YME1L1: variants seen among roughly 807,000 people sequenced by gnomAD.
YME1L1 encodes the protein ATP-dependent zinc metalloprotease YME1L1.
YME1L1 carries 39 observed loss-of-function variants against 90.4 expected under a neutral mutation model. The ratio of observed to expected loss-of-function variants is 0.43; its 90% CI spans 0.33 to 0.56. The LOEUF (loss-of-function observed/expected upper bound fraction) is 0.56. YME1L1 is among the 20% of genes least tolerant of loss of function. The probability of loss-of-function intolerance (pLI) is 0.03; values close to 1 mark genes in which losing one functional copy is unlikely to be tolerated. For synonymous variants in YME1L1, 284 were observed against 287.3 expected, an observed-to-expected ratio of 0.99 and a Z score of 0.12; for missense variants, 617 against 868.4, an observed-to-expected ratio of 0.71 and a Z score of 3.64.
intron 1 of YME1L1, among the ~76,000 whole-genome samples, chr10:27,151,256 C>A (rs753043578): frequency 6.6e-6 from 1 of 152,204 alleles, no homozygotes; most frequent in Non-Finnish European, 1.5e-5. Context: ...TCCAACAACC[C>A]TCTCTTGGGG....
chr10:27,154,360 TC>T lies in YME1L1; in HGVS notation c.-151del. The T allele has an allele frequency of 2.3e-6, 2 of 872,722 alleles. No individual in the cohort carries two copies. The highest frequency in any genetic ancestry group is 1.7e-5 in the South Asian group (1 of 58,312). 54.1% of individuals were successfully genotyped at this position (872,722 alleles called of 1,614,324 possible). A position where few individuals can be genotyped will look rare whatever the true frequency, so the allele number is the denominator to read the frequency against. ...CCAGAAACGGAAAATGGCCTCCCCT[TC>T]CTACAGCTACTGCAACGACAGACAA... On this transcript the variant is annotated 5_prime_UTR_variant, in exon 1 of 19. Coordinates refer to ENST00000376016, the MANE Select transcript of YME1L1 (RefSeq NM_014263.4).
chr10:27,113,394 G>A (rs2056779613), intron 18 of YME1L1, among the ~76,000 whole-genome samples: 1 of 151,760 alleles, frequency 6.6e-6, no homozygotes, highest in African/African-American at 2.4e-5. Context: ...AATTGGGCCG[G>A]GCGCAGTGGC....
chr10:27,131,059 C>T (rs946308970), intron 8 of YME1L1, among the ~76,000 whole-genome samples: 28 of 152,140 alleles, frequency 1.8e-4, no homozygotes, highest in African/African-American at 5.6e-4. Context: ...TGGTCAGAAA[C>T]GTTCCTTTCT....
chr10:27,154,143 G>A lies in YME1L1; in HGVS notation c.33+35C>T, dbSNP rs11816716. 0.026 allele frequency: 40,731 copies of A among 1,571,992 alleles called. 687 individuals are homozygous for A. The highest frequency in any genetic ancestry group is 0.065 in the African/African-American group (4,852 of 74,098). On this transcript the variant is annotated intron_variant, in intron 1 of 18. Transcript: ENST00000376016. ...ATTTGCAAACAGCCACGGGCAGGGC[G>A]GGAGGAAAAAAAATGGGCTGAATGC...
At chr10:27,117,167 A>G (rs1377865853) in intron 15 of YME1L1, among the ~76,000 whole-genome samples, 1 of 152,236 alleles carries the variant, frequency 6.6e-6, no homozygotes, top group East Asian at 1.9e-4. Context: ...TACAATGTTG[A>G]AAGATCTGAT....
chr10:27,123,219 C>A (rs1335311408), intron 10 of YME1L1, among the ~76,000 whole-genome samples: 1 of 152,040 alleles, frequency 6.6e-6, no homozygotes, highest in Non-Finnish European at 1.5e-5. Context: ...CAAATATATA[C>A]AATCAGGTTT....
intron 2 of YME1L1, 138 bp downstream of exon 2, chr10:27,148,767 TA>T: frequency 2.1e-6 from 2 of 948,088 alleles, no homozygotes; most frequent in Admixed American, 4.9e-5. Context: ...AGGGTATTAG[TA>T]GTTAAGTTTC....
rs2056763752 is a variant in YME1L1, at chr10:27,112,037, C to T, written c.2091G>A (p.Glu697=). 1.2e-6 allele frequency: 2 copies of T among 1,614,084 alleles called. No individual in the cohort carries two copies. The highest frequency in any genetic ancestry group is 1.1e-5 in the South Asian group (1 of 91,084). The change falls in exon 19 of 19, where the codon GAG becomes GAA. Residue 697 remains glutamate, a synonymous_variant. Coordinates refer to ENST00000376016, the MANE Select transcript of YME1L1 (RefSeq NM_014263.4). ...KNLAEALLTY[E]TLDAKEIQIV... is the part of the protein sequence containing the mutation. ...TTTGAATCTCTTTGGCATCCAAAGT[C>T]TCATAGGTCAATAAAGCTTCTGCGA...
At position 27,147,255 on chromosome 10, in the gene YME1L1, A is replaced by T. The variant is rs566001011; in HGVS notation, c.168+1651T>A. Reference sequence around the variant, plus strand: ...AGCCTGTAATCCCAACACTTTTGAGAGGCTGAGGTGGGAGGACTGCTTCAG... The same window carrying T: ...AGCCTGTAATCCCAACACTTTTGAGTGGCTGAGGTGGGAGGACTGCTTCAG... On this transcript the variant is annotated intron_variant, in intron 2 of 18. Transcript: ENST00000376016. 36 of 638,828 alleles carry T rather than the reference A, an allele frequency of 5.6e-5. No homozygotes were observed. In the East Asian group the frequency reaches 9.2e-4, roughly 16 times the overall value. 39.6% of individuals were successfully genotyped at this position (638,828 alleles called of 1,614,324 possible).
At chr10:27,151,749 C>T (rs968770873) in intron 1 of YME1L1, among the ~76,000 whole-genome samples, 10 of 152,002 alleles carry the variant, frequency 6.6e-5, no homozygotes, top group Non-Finnish European at 1.0e-4. Flanking sequence ...GGCGTGGTGG[C>T]GGGCGCCTGT....
At chr10:27,153,535 G>A (rs1229444169) in intron 1 of YME1L1, among the ~76,000 whole-genome samples, 2 of 152,186 alleles carry the variant, frequency 1.3e-5, no homozygotes, top group Non-Finnish European at 2.9e-5. Context: ...GATTGCCCAA[G>A]AGCGTAATGA....
chr10:27,145,744 TCA>T (rs938853443), intron 2 of YME1L1, 154 bp from the exon 3 acceptor site: 4 of 683,492 alleles, frequency 5.9e-6, no homozygotes, highest in African/African-American at 5.4e-5. Context: ...GCAAATATTT[TCA>T]CAGTTCGTTT....
chr10:27,150,133 G>C (rs1012842470), intron 1 of YME1L1, among the ~76,000 whole-genome samples: 8 of 151,838 alleles, frequency 5.3e-5, no homozygotes, highest in African/African-American at 1.7e-4. Context: ...CCAGGAAGTT[G>C]AAGCTGCAGT....
intron 1 of YME1L1, among the ~76,000 whole-genome samples, chr10:27,150,021 A>G (rs1486475383): frequency 6.6e-6 from 1 of 152,072 alleles, no homozygotes; most frequent in Admixed American, 6.6e-5. Context: ...GGTTGCAGTG[A>G]GCCAAGATCA....
rs1477173841 is a variant in YME1L1, at chr10:27,148,876, C to T, written c.168+30G>A. The T allele has an allele frequency of 1.9e-6, 3 of 1,611,700 alleles. No homozygotes were observed. The African/African-American group carries it at 4.0e-5, about 22-fold the overall frequency. On this transcript the variant is annotated intron_variant, in intron 2 of 18. Transcript: ENST00000376016. ...AAGGGTCAACTGTATATCAAAAAGG[C>T]TTTCTCACACAACCAGGATAAAGAC... is the stretch of plus-strand genomic sequence containing the variant.
chr10:27,116,414 T>C (rs1229339833), intron 15 of YME1L1, 69 bp from the exon 16 acceptor site: 7 of 1,554,814 alleles, frequency 4.5e-6, no homozygotes, highest in Non-Finnish European at 6.1e-6. Flanking sequence ...CACGCCTGAA[T>C]CCCAGCACTT....
intron 15 of YME1L1, 122 bp downstream of exon 15, chr10:27,117,454 G>A: frequency 9.4e-7 from 1 of 1,067,658 alleles, no homozygotes. Flanking sequence ...TGTAATCCCA[G>A]TTACTTGGGA....
chr10:27,135,091 C>T lies in YME1L1; in HGVS notation c.541-110G>A, dbSNP rs73598027. The T allele has an allele frequency of 0.047, 49,130 of 1,045,888 alleles. 1,317 individuals are homozygous for T. Among genetic ancestry groups the T allele is most frequent in the African/African-American group, 0.083 (5,175 of 62,356 alleles). The allele number at this position is 1,045,888 out of a possible 1,614,324, so 64.8% of individuals were successfully genotyped here. A position where few individuals can be genotyped will look rare whatever the true frequency, so the allele number is the denominator to read the frequency against. On this transcript the variant is annotated intron_variant, in intron 5 of 18. Transcript: ENST00000376016. Reference sequence around the variant, plus strand: ...TAAAATTCTGTATAATTTTTACTGTCAATGTGAAGAAACAGATTAAGACTC... The same window carrying T: ...TAAAATTCTGTATAATTTTTACTGTTAATGTGAAGAAACAGATTAAGACTC...
At chr10:27,137,633 C>T (rs1048078070) in intron 4 of YME1L1, among the ~76,000 whole-genome samples, 3 of 152,102 alleles carry the variant, frequency 2.0e-5, no homozygotes, top group African/African-American at 7.2e-5. Flanking sequence ...TAAATTTGTG[C>T]AAGTCTGACG....
Sources: gnomAD v4.1 joint callset for allele counts (sites outside exome capture counted in the v4.1 genomes callset) on GRCh38, gnomAD v4.1.1 for gene constraint, MANE v1.5 for transcripts, NCBI Gene and HGNC (gene_info 2026-07-23, HGNC 2026-07-21) for gene names.